Variants in TRRAP observed in about 807,000 individuals in gnomAD.
The protein encoded by TRRAP is transformation/transcription domain associated protein.
Under a neutral mutation model 438.8 loss-of-function variants are expected in TRRAP, and 41 were observed. The observed-to-expected ratio is 0.09, with a 90% CI of 0.07 to 0.12. The LOEUF (loss-of-function observed/expected upper bound fraction) is 0.12. Among genes scored for constraint, TRRAP ranks in the 10% least tolerant of loss-of-function variants. The pLI is 1.00. For missense variants in TRRAP, 3,122 were observed against 5,055.1 expected (o/e 0.62, Z 11.60); for synonymous variants, 1,994 against 1,962.9 (o/e 1.02, Z -0.42).
At chr7:98,895,711 G>T in intron 6 of TRRAP, 53 bp from the exon 7 acceptor site, 1 of 1,433,144 alleles carries the variant, frequency 7.0e-7, no homozygotes, top group Non-Finnish European at 9.6e-7. Flanking sequence ...TTTATTATGG[G>T]TATTTTCTGT....
intron 4 of TRRAP, among the ~76,000 whole-genome samples, chr7:98,890,778 G>A (rs1346734749): frequency 1.1e-5 from 1 of 92,906 alleles, no homozygotes; most frequent in African/African-American, 3.3e-5. Flanking sequence ...ATTAATGTCA[G>A]TTCTTTTTTT....
At chr7:99,009,070 C>T (rs930719085) in intron 70 of TRRAP, among the ~76,000 whole-genome samples, 4 of 152,160 alleles carry the variant, frequency 2.6e-5, no homozygotes, top group Non-Finnish European at 5.9e-5. Context: ...GTTGCCTGAG[C>T]CCGGAGCATG....
chr7:98,923,382 C>T (rs956391754), intron 21 of TRRAP, among the ~76,000 whole-genome samples: 14 of 152,298 alleles, frequency 9.2e-5, no homozygotes, highest in African/African-American at 2.4e-4. Context: ...CTGAGCAGGA[C>T]GCCATCCTGC....
intron 12 of TRRAP, among the ~76,000 whole-genome samples, chr7:98,904,462 C>T (rs1362333082): frequency 8.7e-5 from 11 of 125,868 alleles, no homozygotes; most frequent in South Asian, 5.0e-4. Flanking sequence ...CCAGCCTGGG[C>T]GACAGAGCAA....
intron 39 of TRRAP, among the ~76,000 whole-genome samples, chr7:98,951,561 G>T (rs1554418265): frequency 6.6e-6 from 1 of 152,128 alleles, no homozygotes. Context: ...TTTCCCCAAG[G>T]TTTACTGTAT....
chr7:99,011,969 G>A lies in TRRAP; in HGVS notation c.11338-102G>A, dbSNP rs922356617. On this transcript the variant is annotated intron_variant, in intron 72 of 72. Transcript: ENST00000456197. The surrounding 1 kb of genome is among the most constrained non-coding windows in gnomAD (Gnocchi z 7.1). Reference sequence around the variant, plus strand: ...GCTGAAACTCGACTGGCCCTTGGTGGCCCTGAGCGGCCGCTGTGGTTGAGT... The same window carrying A: ...GCTGAAACTCGACTGGCCCTTGGTGACCCTGAGCGGCCGCTGTGGTTGAGT... The A allele has an allele frequency of 4.8e-6, 7 of 1,447,006 alleles. No homozygotes were observed. In the East Asian group the frequency reaches 1.4e-4, roughly 29 times the overall value. The allele number at this position is 1,447,006 out of a possible 1,614,324, so 89.6% of individuals were successfully genotyped here. A position where few individuals can be genotyped will look rare whatever the true frequency, so the allele number is the denominator to read the frequency against.
intron 44 of TRRAP, 76 bp from the exon 45 acceptor site, chr7:98,959,268 T>C: frequency 6.4e-7 from 1 of 1,571,956 alleles, no homozygotes; most frequent in Admixed American, 1.7e-5. Flanking sequence ...AGGGCACAGT[T>C]GAGACGTGCT....
chr7:98,985,130 A>G (rs1479960919), intron 62 of TRRAP, 86 bp downstream of exon 62: 2 of 1,001,524 alleles, frequency 2.0e-6, no homozygotes. Context: ...TGTGAAGCTC[A>G]AGCTAGAAAT....
intron 70 of TRRAP, among the ~76,000 whole-genome samples, chr7:99,009,807 CAG>C (rs1794347530): frequency 6.6e-6 from 1 of 151,676 alleles, no homozygotes; most frequent in Admixed American, 6.6e-5. Flanking sequence ...GCCCACAGCA[CAG>C]AGGAATCCAG....
chr7:98,911,522 C>G (rs1789274726), intron 17 of TRRAP, among the ~76,000 whole-genome samples: 1 of 152,140 alleles, frequency 6.6e-6, no homozygotes, highest in Non-Finnish European at 1.5e-5. Context: ...CCTGTAATCC[C>G]AGCACTTTAG....
At chr7:98,966,296 ACT>A (rs1164900016) in intron 49 of TRRAP, among the ~76,000 whole-genome samples, 1 of 151,370 alleles carries the variant, frequency 6.6e-6, no homozygotes, top group Non-Finnish European at 1.5e-5. Flanking sequence ...ACAGAGCAAG[ACT>A]CTGTCTTGGA....
chr7:98,948,544 A>C lies in TRRAP; in HGVS notation c.4669-22A>C. ...CTGAGAAGAGGAAGTTGTGAGATGC[A>C]GCATTCCCACATGTTTTGCAGGCGG... On this transcript the variant is annotated intron_variant, in intron 34 of 72. Transcript: ENST00000456197. The surrounding 1 kb of genome is among the most constrained non-coding windows in gnomAD (Gnocchi z 4.9). 6.2e-7 allele frequency: 1 copy of C among 1,614,184 alleles called. No individual in the cohort carries two copies.
intron 20 of TRRAP, 25 bp downstream of exon 20, chr7:98,917,704 C>T (rs1789572204): frequency 6.2e-7 from 1 of 1,605,700 alleles, no homozygotes; most frequent in African/African-American, 1.3e-5. Flanking sequence ...AGGTTGTTAG[C>T]TGGCTGCTTC....
At chr7:99,000,245 A>G (rs1480037542) in intron 67 of TRRAP, among the ~76,000 whole-genome samples, 1 of 152,064 alleles carries the variant, frequency 6.6e-6, no homozygotes, top group Non-Finnish European at 1.5e-5. Context: ...CTGACCTCAA[A>G]TGATCCACCC....
At position 98,975,601 on chromosome 7, in the gene TRRAP, G is replaced by C. The variant is rs190736937; in HGVS notation, c.7840-548G>C. Among the ~76,000 whole-genome samples the C allele has an allele frequency of 8.2e-3, 1,253 of 152,302 alleles. 13 individuals are homozygous for C. Among genetic ancestry groups the C allele is most frequent in the African/African-American group, 0.029 (1,194 of 41,552 alleles). ...CGGGCTCTAGTTGTCCAGGCGTTCCGTTCCAGTCCGTTCCATTCTCTTCTG... is the reference window on the plus strand; with the variant it reads ...CGGGCTCTAGTTGTCCAGGCGTTCCCTTCCAGTCCGTTCCATTCTCTTCTG... On this transcript the variant is annotated intron_variant, in intron 53 of 72. Transcript: ENST00000456197.
In TRRAP at chr7:98,903,526, A is replaced by G; in HGVS notation, c.1036+9A>G. ...CACAGAGCTGAGAAACCGTACGTCC[A>G]GCCTGTCTTGTCTTGAATGCTGATG... On this transcript the variant is annotated intron_variant, in intron 12 of 72. Coordinates refer to ENST00000456197, the MANE Select transcript of TRRAP (RefSeq NM_001375524.1). 6.2e-7 allele frequency: 1 copy of G among 1,614,032 alleles called. No homozygotes were observed. The highest frequency in any genetic ancestry group is 1.3e-5 in the African/African-American group (1 of 75,052).
chr7:98,928,213 G>A (rs1027684060), intron 23 of TRRAP, among the ~76,000 whole-genome samples: 1 of 151,890 alleles, frequency 6.6e-6, no homozygotes, highest in African/African-American at 2.4e-5. Flanking sequence ...TCCAGCCTGG[G>A]CAACAAGAGC....
At chr7:98,983,243 C>G (rs746531224) in intron 59 of TRRAP, 21 bp from the exon 60 acceptor site, 1 of 1,596,778 alleles carries the variant, frequency 6.3e-7, no homozygotes, top group Non-Finnish European at 8.6e-7. Flanking sequence ...ACCGCAGAGT[C>G]TCTTATGCTG....
intron 58 of TRRAP, among the ~76,000 whole-genome samples, chr7:98,979,263 A>C (rs1792804646): frequency 6.6e-6 from 1 of 152,170 alleles, no homozygotes; most frequent in South Asian, 2.1e-4. Context: ...TTCCCTCAGT[A>C]TCCAGGACAC....
Sources: allele counts gnomAD v4.1 joint callset (sites outside exome capture counted in the v4.1 genomes callset), GRCh38; gene constraint gnomAD v4.1.1; non-coding constraint Gnocchi (gnomAD v3.1); transcripts MANE v1.5; gene names NCBI Gene and HGNC (gene_info 2026-07-23, HGNC 2026-07-21).